The following APLF variants were observed in gnomAD, a reference collection of about 807,000 sequenced individuals.
APLF encodes aprataxin and PNKP like factor.
APLF carries 61 observed loss-of-function variants against 55.6 expected under a neutral mutation model. The ratio of observed to expected loss-of-function variants is 1.10; its 90% confidence interval spans 0.89 to 1.36. The LOEUF is 1.36. Among genes scored for constraint, APLF ranks in the 40% most tolerant of loss-of-function variants. The pLI is 0.00. For synonymous variants in APLF, 207 were observed against 214.8 expected (o/e 0.96, Z 0.32); for missense variants, 611 against 602.5 (o/e 1.01, Z -0.15).
intron 7 of APLF, among the ~76,000 whole-genome samples, chr2:68,538,519 C>T (rs958720378): frequency 7.0e-6 from 1 of 142,066 alleles, no homozygotes; most frequent in African/African-American, 2.5e-5. Flanking sequence ...GATCTAAATA[C>T]CTGTTATTTA....
At chr2:68,517,598 G>A (rs1002839527) in intron 5 of APLF, among the ~76,000 whole-genome samples, 2 of 143,070 alleles carry the variant, frequency 1.4e-5, no homozygotes, top group African/African-American at 5.1e-5. Context: ...TAATTAACAT[G>A]TAACAGTATA....
intron 1 of APLF, among the ~76,000 whole-genome samples, chr2:68,489,384 G>A (rs1330210686): frequency 6.6e-6 from 1 of 152,166 alleles, no homozygotes; most frequent in Non-Finnish European, 1.5e-5. Flanking sequence ...TGAAGTTGGT[G>A]CTTAACATGT....
chr2:68,513,011 A>G, intron 3 of APLF, 69 bp from the exon 4 acceptor site: 2 of 1,415,158 alleles, frequency 1.4e-6, no homozygotes, highest in Non-Finnish European at 1.9e-6. Context: ...CATAACTTAG[A>G]TGTAGTTCTA....
intron 9 of APLF, among the ~76,000 whole-genome samples, chr2:68,577,381 T>C (rs1671654407): frequency 1.3e-5 from 2 of 152,062 alleles, no homozygotes; most frequent in South Asian, 4.1e-4. Flanking sequence ...AGAGGGGAAA[T>C]GGCAATAGCA....
chr2:68,508,776 C>A (rs10186016), intron 3 of APLF, among the ~76,000 whole-genome samples: 18,242 of 151,594 alleles, frequency 0.12, 1,195 homozygotes, highest in Middle Eastern at 0.16. Flanking sequence ...AATCCTAAGC[C>A]AAAAGAACAA....
intron 3 of APLF, among the ~76,000 whole-genome samples, chr2:68,512,824 A>G (rs978771049): frequency 5.3e-5 from 8 of 151,812 alleles, no homozygotes; most frequent in African/African-American, 1.7e-4. Flanking sequence ...TTAAGCCTTG[A>G]CAGAAATGGC....
chr2:68,579,265 T>C lies in APLF; in HGVS notation c.*1243T>C. On this transcript the variant is annotated 3_prime_UTR_variant, in exon 10 of 10. Coordinates refer to ENST00000303795, the MANE Select transcript of APLF (RefSeq NM_173545.3). ...GGAACAAGAATAAGATAAACATTTC[T>C]CTAGACTATAACCTATTATTCTGAT... 1 of 838,384 alleles carries C rather than the reference T, an allele frequency of 1.2e-6. No homozygotes were observed. Among genetic ancestry groups the C allele is most frequent in the Non-Finnish European group, 1.4e-6 (1 of 696,220 alleles). 51.9% of individuals were successfully genotyped at this position (838,384 alleles called of 1,614,324 possible).
intron 2 of APLF, among the ~76,000 whole-genome samples, chr2:68,492,018 T>C (rs925468958): frequency 1.3e-5 from 2 of 152,234 alleles, no homozygotes; most frequent in African/African-American, 4.8e-5. Context: ...TATTTACTAA[T>C]GCATGAATAT....
chr2:68,580,013 A>C lies in APLF; in HGVS notation c.*1991A>C. On this transcript the variant is annotated 3_prime_UTR_variant, in exon 10 of 10. Coordinates refer to ENST00000303795, the MANE Select transcript of APLF (RefSeq NM_173545.3). ...TAATACCAGTCTTTTAGAAGGAAAA[A>C]AATATTTAATATCAAAGGATATTCT... is the stretch of plus-strand genomic sequence containing the variant. 2.2e-6 allele frequency: 2 copies of C among 903,782 alleles called. No homozygotes were observed. Among genetic ancestry groups the C allele is most frequent in the African/African-American group, 1.8e-5 (1 of 55,626 alleles). The allele number at this position is 903,782 out of a possible 1,614,324, so 56.0% of individuals were successfully genotyped here. A position where few individuals can be genotyped will look rare whatever the true frequency, so the allele number is the denominator to read the frequency against.
At position 68,579,229 on chromosome 2, in the gene APLF, T is replaced by C. The variant is rs540707495; in HGVS notation, c.*1207T>C. 1.3e-6 allele frequency: 1 copy of C among 791,884 alleles called. No individual in the cohort carries two copies. Among genetic ancestry groups the C allele is most frequent in the Admixed American group, 6.2e-5 (1 of 16,006 alleles). The allele number at this position is 791,884 out of a possible 1,614,324, so 49.1% of individuals were successfully genotyped here. ...CCAGTAATTATACAATATTTAATAT[T>C]TACTTAAACTGGAACAAGAATAAGA... On this transcript the variant is annotated 3_prime_UTR_variant, in exon 10 of 10. Transcript: ENST00000303795.
chr2:68,488,600 T>G (rs897704302), intron 1 of APLF, among the ~76,000 whole-genome samples: 11 of 152,142 alleles, frequency 7.2e-5, no homozygotes, highest in Non-Finnish European at 1.3e-4. Context: ...CCTCCCAAAG[T>G]GCTGGGATTG....
intron 6 of APLF, chr2:68,528,625 C>A (rs987507220): frequency 1.3e-6 from 2 of 1,533,524 alleles, no homozygotes; most frequent in African/African-American, 2.7e-5. Flanking sequence ...CTTTACCCAG[C>A]ACCTTCAAGG....
intron 9 of APLF, among the ~76,000 whole-genome samples, chr2:68,573,938 C>T (rs769656348): frequency 2.0e-5 from 3 of 151,798 alleles, no homozygotes; most frequent in Admixed American, 6.6e-5. Context: ...GATAAAAAGC[C>T]GGAACAACTT....
chr2:68,533,825 T>C (rs1474066948), intron 6 of APLF, among the ~76,000 whole-genome samples: 4 of 152,178 alleles, frequency 2.6e-5, no homozygotes, highest in Non-Finnish European at 1.5e-5. Flanking sequence ...TTTGCTGAAT[T>C]CTTTTGGTCA....
chr2:68,515,162 ATACTT>A (rs2103956072), intron 5 of APLF, among the ~76,000 whole-genome samples: 2 of 151,824 alleles, frequency 1.3e-5, no homozygotes, highest in East Asian at 3.9e-4. Context: ...AAAGTGCACT[ATACTT>A]TATGTGTTAA....
intron 8 of APLF, among the ~76,000 whole-genome samples, chr2:68,559,254 A>G (rs919536255): frequency 6.6e-6 from 1 of 151,988 alleles, no homozygotes; most frequent in Admixed American, 6.6e-5. Context: ...CATATTCATA[A>G]AGTCAGCTCA....
Position 68,526,254 on chromosome 2 carries a change from A to G in APLF, c.804+12A>G. The G allele has an allele frequency of 6.3e-7, 1 of 1,595,798 alleles. No individual in the cohort carries two copies. ...CCATTTCATCCAAGGTGATTTTAAA[A>G]AATTCATTATTTGATTGTTTTTTTG... On this transcript the variant is annotated intron_variant, in intron 6 of 9. Coordinates refer to ENST00000303795, the MANE Select transcript of APLF (RefSeq NM_173545.3).
chr2:68,522,820 A>G (rs1307376706), intron 5 of APLF, among the ~76,000 whole-genome samples: 1 of 151,968 alleles, frequency 6.6e-6, no homozygotes, highest in Non-Finnish European at 1.5e-5. Context: ...AAATAATGTT[A>G]AAGTACTACT....
chr2:68,483,090 A>G (rs1161533468), intron 1 of APLF, among the ~76,000 whole-genome samples: 2 of 152,060 alleles, frequency 1.3e-5, no homozygotes, highest in Non-Finnish European at 2.9e-5. Flanking sequence ...AGCTAGAGAG[A>G]CACAGTGGCT....
Sources: allele counts gnomAD v4.1 joint callset (sites outside exome capture counted in the v4.1 genomes callset), GRCh38; gene constraint gnomAD v4.1.1; transcripts MANE v1.5; gene names NCBI Gene and HGNC (gene_info 2026-07-23, HGNC 2026-07-21).